The following DPP10 variants were observed in gnomAD, a reference collection of about 807,000 sequenced individuals.
DPP10 encodes inactive dipeptidyl peptidase 10.
Under a neutral mutation model 120.9 loss-of-function variants are expected in DPP10, and 33 were observed. The observed-to-expected ratio is 0.27, with a 90% CI of 0.21 to 0.37. DPP10 has a LOEUF of 0.37. Ranked by LOEUF, DPP10 falls within the 10% of genes least tolerant of loss-of-function variation. The pLI, the probability that DPP10 is intolerant of heterozygous loss-of-function variation, is 1.00. For synonymous variants in DPP10, 337 were observed against 326.1 expected (o/e 1.03, Z -0.36); for missense variants, 816 against 942.8 (o/e 0.87, Z 1.76).
intron 1 of DPP10, among the ~76,000 whole-genome samples, chr2:114,683,588 CT>C (rs111997133): frequency 1.4e-5 from 2 of 143,694 alleles, no homozygotes; most frequent in Non-Finnish European, 3.0e-5. Context: ...CTCTCTTTTT[CT>C]TTTTTTCTTT....
chr2:114,462,225 G>C, intron 1 of DPP10: 1 of 817,548 alleles, frequency 1.2e-6, no homozygotes, highest in South Asian at 5.6e-5. Flanking sequence ...TTACAGAGCC[G>C]TATATACCAC....
intron 12 of DPP10, among the ~76,000 whole-genome samples, chr2:115,766,278 TTA>T (rs111502845): frequency 2.7e-4 from 26 of 96,034 alleles, no homozygotes; most frequent in East Asian, 7.3e-4. Context: ...AAAATACTCA[TTA>T]TATATATGTG....
chr2:115,257,071 C>T (rs571196673), intron 1 of DPP10, among the ~76,000 whole-genome samples: 3 of 152,286 alleles, frequency 2.0e-5, no homozygotes, highest in African/African-American at 4.8e-5. Context: ...ACCTTGTAAG[C>T]GTGAAATTTC....
At position 115,090,561 on chromosome 2, in the gene DPP10, G is replaced by A. The variant is rs539005243; in HGVS notation, c.61-218678G>A. Among the ~76,000 whole-genome samples the A allele has an allele frequency of 2.6e-5, 4 of 152,284 alleles. No homozygotes were observed. In the South Asian group the frequency reaches 8.3e-4, roughly 32 times the overall value. On this transcript the variant is annotated intron_variant, in intron 1 of 25. Coordinates refer to ENST00000410059, the MANE Select transcript of DPP10 (RefSeq NM_020868.6). The stretch of plus-strand genomic sequence containing the variant: ...CAAGTCTGCTACGTTCTCCAACTTA[G>A]GGGCATTGCTCTGTTTAGAGTTTGG...
chr2:114,480,527 T>TA (rs1206847324), intron 1 of DPP10, among the ~76,000 whole-genome samples: 1 of 151,494 alleles, frequency 6.6e-6, no homozygotes, highest in Non-Finnish European at 1.5e-5. Flanking sequence ...TATGCAGCCA[T>TA]AAAAAAAGGA....
intron 1 of DPP10, among the ~76,000 whole-genome samples, chr2:114,649,485 A>G (rs1469387478): frequency 6.6e-6 from 1 of 151,886 alleles, no homozygotes; most frequent in Admixed American, 6.6e-5. Flanking sequence ...AGTAGCTGGG[A>G]CTACAGGCAC....
chr2:114,556,269 A>ATATG (rs70937289), intron 1 of DPP10, among the ~76,000 whole-genome samples: 4 of 139,432 alleles, frequency 2.9e-5, no homozygotes, highest in South Asian at 4.6e-4. Context: ...ATATATATAT[A>ATATG]GGCAAATAAT....
intron 19 of DPP10, among the ~76,000 whole-genome samples, chr2:115,792,663 C>T (rs1360429905): frequency 6.6e-6 from 1 of 151,890 alleles, no homozygotes; most frequent in East Asian, 1.9e-4. Flanking sequence ...TTCTTCTGGT[C>T]TATTTTAACT....
chr2:115,508,482 C>T (rs2148825304), intron 4 of DPP10, among the ~76,000 whole-genome samples: 1 of 152,240 alleles, frequency 6.6e-6, no homozygotes, highest in Middle Eastern at 3.4e-3. Flanking sequence ...CATAGAATAA[C>T]TGCAAAGTAT....
At chr2:115,368,232 A>G (rs1434922714) in intron 3 of DPP10, among the ~76,000 whole-genome samples, 1 of 152,134 alleles carries the variant, frequency 6.6e-6, no homozygotes, top group African/African-American at 2.4e-5. Flanking sequence ...GCTTCTCTGA[A>G]TAAAGCCTAA....
intron 1 of DPP10, among the ~76,000 whole-genome samples, chr2:114,610,038 C>T (rs1693155042): frequency 6.6e-6 from 1 of 152,188 alleles, no homozygotes; most frequent in Non-Finnish European, 1.5e-5. Context: ...GTATCTGTTT[C>T]ACGCTTGCCT....
At chr2:115,550,071 A>G (rs923447313) in intron 5 of DPP10, among the ~76,000 whole-genome samples, 5 of 152,108 alleles carry the variant, frequency 3.3e-5, no homozygotes, top group Non-Finnish European at 7.4e-5. Flanking sequence ...GAGTCATACA[A>G]AAAGGGGGAG....
intron 1 of DPP10, among the ~76,000 whole-genome samples, chr2:114,908,228 A>T (rs1050822468): frequency 6.6e-6 from 1 of 152,016 alleles, no homozygotes; most frequent in African/African-American, 2.4e-5. Context: ...TCCAAAGTGT[A>T]TAATTGTTTT....
At chr2:115,697,859 C>T (rs140223497) in intron 7 of DPP10, among the ~76,000 whole-genome samples, 1,667 of 152,202 alleles carry the variant, frequency 0.011, 37 homozygotes, top group African/African-American at 0.039. Flanking sequence ...GTGGCGGGCG[C>T]CTGTAGTCCC....
intron 1 of DPP10, among the ~76,000 whole-genome samples, chr2:115,190,314 A>G (rs1258928865): frequency 6.6e-6 from 1 of 151,838 alleles, no homozygotes; most frequent in Non-Finnish European, 1.5e-5. Context: ...ATGGGGGTCA[A>G]AGGACCCATG....
chr2:115,450,449 G>A (rs1421699687), intron 3 of DPP10, among the ~76,000 whole-genome samples: 1 of 151,878 alleles, frequency 6.6e-6, no homozygotes, highest in Non-Finnish European at 1.5e-5. Context: ...ACTGAATAAA[G>A]CCCTCAACTG....
rs150525325 is a variant in DPP10 at position 115,815,892 on chromosome 2, C to T, written c.1950+163C>T. ...ACCTCACTGTAGCAAGATTTGATGG[C>T]AGAGGAAGTGGATTCCAGAGTCTGA... On this transcript the variant is annotated intron_variant, in intron 21 of 25. Transcript: ENST00000410059. Among the ~76,000 whole-genome samples the T allele has an allele frequency of 1.0e-3, 158 of 151,634 alleles. 1 individual carries two copies. The highest frequency in any genetic ancestry group is 3.6e-3 in the African/African-American group (147 of 41,360).
chr2:114,497,056 CAT>C (rs1682590527), intron 1 of DPP10, among the ~76,000 whole-genome samples: 1 of 149,876 alleles, frequency 6.7e-6, no homozygotes, highest in African/African-American at 2.5e-5. Flanking sequence ...CATACACATA[CAT>C]ATATACATAC....
At chr2:115,291,555 A>G (rs200988967) in intron 1 of DPP10, among the ~76,000 whole-genome samples, 1 of 152,156 alleles carries the variant, frequency 6.6e-6, no homozygotes, top group East Asian at 1.9e-4. Flanking sequence ...ACATGTCTTC[A>G]GAAACAATTT....
Sources: gnomAD v4.1 joint callset for allele counts (sites outside exome capture counted in the v4.1 genomes callset) on GRCh38, gnomAD v4.1.1 for gene constraint, MANE v1.5 for transcripts, NCBI Gene and HGNC (gene_info 2026-07-23, HGNC 2026-07-21) for gene names.